Variants in HIPK2 observed in about 807,000 individuals in gnomAD.
HIPK2 encodes homeodomain interacting protein kinase 2.
In HIPK2, 27 loss-of-function variants were observed where a neutral mutation model predicts 113.7. The ratio of observed to expected loss-of-function variants is 0.24; its 90% CI spans 0.17 to 0.33. The LOEUF (loss-of-function observed/expected upper bound fraction) is 0.33. Ranked by LOEUF, HIPK2 falls within the 10% of genes least tolerant of loss-of-function variation. HIPK2 has a pLI of 1.00. For synonymous variants in HIPK2, 631 were observed against 642.2 expected (o/e 0.98, Z 0.26); for missense variants, 1,257 against 1,588.0 (o/e 0.79, Z 3.54).
chr7:139,644,073 T>C (rs1301168268), intron 2 of HIPK2, among the ~76,000 whole-genome samples: 1 of 152,230 alleles, frequency 6.6e-6, no homozygotes, highest in Non-Finnish European at 1.5e-5. Flanking sequence ...GAAGCACCTA[T>C]CAGCCAGAGA....
intron 2 of HIPK2, among the ~76,000 whole-genome samples, chr7:139,650,658 C>T (rs1486201802): frequency 2.0e-5 from 3 of 152,252 alleles, no homozygotes; most frequent in South Asian, 2.1e-4. Context: ...AATAAGACAG[C>T]GCAGAAATGA....
intron 2 of HIPK2, among the ~76,000 whole-genome samples, chr7:139,674,785 G>C (rs10262189): frequency 1.5e-4 from 23 of 152,072 alleles, no homozygotes; most frequent in African/African-American, 5.3e-4. Context: ...ACTAAGTAAA[G>C]CCTGGTTTAT....
intron 2 of HIPK2, among the ~76,000 whole-genome samples, chr7:139,677,375 G>A (rs139745413): frequency 1.2e-3 from 188 of 152,030 alleles, no homozygotes; most frequent in African/African-American, 4.1e-3. Flanking sequence ...GTCTTAGTTC[G>A]TTTGTGCTAC....
chr7:139,716,789 C>G lies in HIPK2; in HGVS notation c.246G>C (p.Gln82His). The change falls in exon 2 of 15, where the codon CAG (glutamine) becomes CAC (histidine). Residue 82 changes from glutamine to histidine, a missense_variant. Transcript: ENST00000406875. This position sits in a 1 kb window ranked among gnomAD's most constrained non-coding sequence, Gnocchi z 9.3. ...CGGTGCTTCCTGGGAAGACGATGGT[C>G]TGCTCGTAAGGTAGGCTTGGGTTTG... is the stretch of plus-strand genomic sequence containing the variant. ...PVPNPSLPYEQTIVFPGSTGH... is the reference protein window; with the variant it reads ...PVPNPSLPYEHTIVFPGSTGH... The G allele has an allele frequency of 6.2e-7, 1 of 1,613,876 alleles. No homozygotes were observed. Among genetic ancestry groups the G allele is most frequent in the Non-Finnish European group, 8.5e-7 (1 of 1,179,864 alleles).
At chr7:139,674,606 GC>G (rs1164964931) in intron 2 of HIPK2, among the ~76,000 whole-genome samples, 7 of 152,160 alleles carry the variant, frequency 4.6e-5, no homozygotes, top group African/African-American at 1.7e-4. Flanking sequence ...GCCCAAAGCA[GC>G]AAACCTGGCA....
rs1026300455 is a variant in HIPK2, at chr7:139,698,998, T to C, written c.1103+16934A>G. Among the ~76,000 whole-genome samples, 542 of 152,230 alleles carry C rather than the reference T, an allele frequency of 3.6e-3. 3 individuals carry two copies. Among genetic ancestry groups the C allele is most frequent in the African/African-American group, 0.012 (504 of 41,536 alleles). Reference sequence around the variant, plus strand: ...AGAGAAATGAAACCTGAGTAGGACCTTGAAGGACGGGTATAATAAATAATA... The same window carrying C: ...AGAGAAATGAAACCTGAGTAGGACCCTGAAGGACGGGTATAATAAATAATA... On this transcript the variant is annotated intron_variant, in intron 2 of 14. Transcript: ENST00000406875.
chr7:139,577,560 G>C (rs1252890592), intron 13 of HIPK2, among the ~76,000 whole-genome samples: 1 of 152,258 alleles, frequency 6.6e-6, no homozygotes, highest in Non-Finnish European at 1.5e-5. Flanking sequence ...AGCAGAAAAA[G>C]AGGGGTTTAG....
chr7:139,712,764 G>A (rs922738631), intron 2 of HIPK2, among the ~76,000 whole-genome samples: 3 of 152,184 alleles, frequency 2.0e-5, no homozygotes, highest in African/African-American at 7.2e-5. Context: ...ACATGGCCTA[G>A]AGCTGGCTGT....
chr7:139,693,196 A>T (rs905515375), intron 2 of HIPK2, among the ~76,000 whole-genome samples: 4 of 152,236 alleles, frequency 2.6e-5, no homozygotes, highest in African/African-American at 4.8e-5. Flanking sequence ...TCATCTACAG[A>T]ATGGAAAAAA....
At chr7:139,722,585 T>C (rs1197234266) in intron 1 of HIPK2, among the ~76,000 whole-genome samples, 1 of 152,218 alleles carries the variant, frequency 6.6e-6, no homozygotes, top group Non-Finnish European at 1.5e-5. Context: ...CTCAGGATTC[T>C]TAAAACACTT....
chr7:139,585,027 G>T (rs928529502), intron 12 of HIPK2, among the ~76,000 whole-genome samples: 3 of 152,100 alleles, frequency 2.0e-5, no homozygotes, highest in African/African-American at 7.3e-5. Flanking sequence ...CTGGCATGAT[G>T]GATGTGAAAT....
chr7:139,698,198 T>C (rs1051569237), intron 2 of HIPK2, among the ~76,000 whole-genome samples: 51 of 152,368 alleles, frequency 3.3e-4, no homozygotes, highest in African/African-American at 1.2e-3. Context: ...GGGTATTTCA[T>C]ATAAAGAGTA....
intron 2 of HIPK2, among the ~76,000 whole-genome samples, chr7:139,709,582 T>G (rs1585404912): frequency 6.6e-6 from 1 of 152,212 alleles, no homozygotes; most frequent in African/African-American, 2.4e-5. Flanking sequence ...GAGAGAAAAC[T>G]GCTCCCTGGC....
chr7:139,563,471 T>G lies in HIPK2; in HGVS notation c.*9456A>C. On this transcript the variant is annotated 3_prime_UTR_variant, in exon 15 of 15. Coordinates refer to ENST00000406875, the MANE Select transcript of HIPK2 (RefSeq NM_022740.5). ...GGGGGCGGTGCCAGGAGAGATTCGTTTGGAGATTGGTTACAAGGAAGCGAG... is the reference window on the plus strand; with the variant it reads ...GGGGGCGGTGCCAGGAGAGATTCGTGTGGAGATTGGTTACAAGGAAGCGAG... The G allele has an allele frequency of 6.1e-6, 1 of 163,948 alleles. No homozygotes were observed. The allele number at this position is 163,948 out of a possible 1,614,324, so 10.2% of individuals were successfully genotyped here. A position where few individuals can be genotyped will look rare whatever the true frequency, so the allele number is the denominator to read the frequency against.
chr7:139,712,739 A>G lies in HIPK2; in HGVS notation c.1103+3193T>C, dbSNP rs547578716. Among the ~76,000 whole-genome samples the G allele has an allele frequency of 1.1e-4, 17 of 152,362 alleles. No individual in the cohort carries two copies. In the East Asian group the frequency reaches 2.7e-3, roughly 24 times the overall value. On this transcript the variant is annotated intron_variant, in intron 2 of 14. Transcript: ENST00000406875. Reference sequence around the variant, plus strand: ...CCTATAAGAGGCAAAGCCACCAGGAAAATCAACTTGATAAACATGGCCTAG... The same window carrying G: ...CCTATAAGAGGCAAAGCCACCAGGAGAATCAACTTGATAAACATGGCCTAG...
At chr7:139,691,417 A>G (rs1173041475) in intron 2 of HIPK2, among the ~76,000 whole-genome samples, 1 of 152,218 alleles carries the variant, frequency 6.6e-6, no homozygotes, top group Non-Finnish European at 1.5e-5. Flanking sequence ...TTCATGTAAT[A>G]AGACAATAAT....
At chr7:139,699,885 T>C (rs1338867242) in intron 2 of HIPK2, among the ~76,000 whole-genome samples, 1 of 152,194 alleles carries the variant, frequency 6.6e-6, no homozygotes, top group Non-Finnish European at 1.5e-5. Flanking sequence ...CTGGAAAACA[T>C]GCATGCTTCC....
At position 139,564,161 on chromosome 7, in the gene HIPK2, A is replaced by C. The variant is rs1405234614; in HGVS notation, c.*8766T>G. On this transcript the variant is annotated 3_prime_UTR_variant, in exon 15 of 15. Coordinates refer to ENST00000406875, the MANE Select transcript of HIPK2 (RefSeq NM_022740.5). ...TGAGTCTAAGCTGGACAATGAGTAA[A>C]ACGTAAACATAGCCTTTTACATTGA... The C allele has an allele frequency of 2.5e-6, 1 of 393,516 alleles. No individual in the cohort carries two copies. Among genetic ancestry groups the C allele is most frequent in the African/African-American group, 2.1e-5 (1 of 48,556 alleles). The allele number at this position is 393,516 out of a possible 1,614,324, so 24.4% of individuals were successfully genotyped here.
chr7:139,740,821 T>C (rs1384761330), intron 1 of HIPK2, among the ~76,000 whole-genome samples: 1 of 152,158 alleles, frequency 6.6e-6, no homozygotes, highest in Non-Finnish European at 1.5e-5. Context: ...TCACACTTCA[T>C]GTTTGGGCAC....
Sources: gnomAD v4.1 joint callset for allele counts (sites outside exome capture counted in the v4.1 genomes callset) on GRCh38, gnomAD v4.1.1 for gene constraint, Gnocchi (gnomAD v3.1) non-coding constraint, MANE v1.5 for transcripts, NCBI Gene and HGNC (gene_info 2026-07-23, HGNC 2026-07-21) for gene names.